Variants in SYNE1 observed in about 807,000 individuals in gnomAD.
SYNE1 encodes nesprin-1.
Under a neutral mutation model 1,111.0 loss-of-function variants are expected in SYNE1, and 616 were observed. That is an observed-to-expected ratio of 0.55 (90% CI 0.52 to 0.59). The LOEUF is 0.59. Among genes scored for constraint, SYNE1 ranks in the 20% least tolerant of loss-of-function variants. SYNE1 has a pLI of 0.00. For synonymous variants in SYNE1, 3,855 were observed against 3,825.8 expected, an observed-to-expected ratio of 1.01 and a Z score of -0.28; for missense variants, 10,006 against 10,417.0, an observed-to-expected ratio of 0.96 and a Z score of 1.72.
At chr6:152,217,797 C>T (rs958153298) in intron 121 of SYNE1, among the ~76,000 whole-genome samples, 5 of 152,024 alleles carry the variant, frequency 3.3e-5, no homozygotes, top group African/African-American at 1.2e-4. Context: ...AGGTGGCTTC[C>T]AGGAGTGAGC....
At chr6:152,385,636 T>A in intron 55 of SYNE1, 38 bp downstream of exon 55, 1 of 1,608,522 alleles carries the variant, frequency 6.2e-7, no homozygotes, top group Non-Finnish European at 8.5e-7. Flanking sequence ...CAAGAAGGAA[T>A]GAAGCAATGT....
Position 152,289,816 on chromosome 6 carries a change from C to T in SYNE1, c.18012+3772G>A, listed in dbSNP as rs182348907. Among the ~76,000 whole-genome samples, 596 of 151,840 alleles carry T rather than the reference C, an allele frequency of 3.9e-3. 5 individuals are homozygous for T. The highest frequency in any genetic ancestry group is 0.013 in the African/African-American group (554 of 41,438). On this transcript the variant is annotated intron_variant, in intron 95 of 145. Transcript: ENST00000367255. Reference sequence around the variant, plus strand: ...TAAGTTTTTGTATTTTTAGTAGAGACGGGGTTTCACCATGTTAGCCAGGAT... The same window carrying T: ...TAAGTTTTTGTATTTTTAGTAGAGATGGGGTTTCACCATGTTAGCCAGGAT...
intron 11 of SYNE1, among the ~76,000 whole-genome samples, chr6:152,491,615 A>G (rs569393041): frequency 6.6e-6 from 1 of 152,190 alleles, no homozygotes; most frequent in South Asian, 2.1e-4. Context: ...AGCACTTTTG[A>G]TTTCTCCATC....
chr6:152,389,550 C>T (rs1164349556), intron 53 of SYNE1, among the ~76,000 whole-genome samples: 3 of 152,092 alleles, frequency 2.0e-5, no homozygotes, highest in African/African-American at 7.2e-5. Flanking sequence ...ACAAATGAGC[C>T]AGATTATTTA....
At chr6:152,216,108 G>C (rs887608340) in intron 121 of SYNE1, among the ~76,000 whole-genome samples, 2 of 152,156 alleles carry the variant, frequency 1.3e-5, no homozygotes, top group African/African-American at 2.4e-5. Context: ...GCCACCTTTG[G>C]CTATGTGTGT....
chr6:152,575,522 T>C (rs2099492837), intron 3 of SYNE1, among the ~76,000 whole-genome samples: 1 of 152,232 alleles, frequency 6.6e-6, no homozygotes, highest in Non-Finnish European at 1.5e-5. Context: ...CAACAATTTA[T>C]TTATGCAAAC....
rs777477024 is a variant in SYNE1, at chr6:152,242,261, C to G, written c.19872G>C (p.Gln6624His). 8 of 1,613,882 alleles carry G rather than the reference C, an allele frequency of 5.0e-6. No homozygotes were observed. The highest frequency in any genetic ancestry group is 1.3e-5 in the African/African-American group (1 of 74,872). ...GTACCTTATGTTTGTCAAGTAGTTG[C>G]TGGATTTCCTCTTTGGAAGACACGA... ...KIIVSSKEEI[Q>H]QLLDKHKEYF... Residue 6624 changes from glutamine (Q) to histidine (H), a missense_variant, in exon 107 of 146, where the codon CAG becomes CAC. Gln to His is a conservative substitution (Grantham distance 24, BLOSUM62 0). Transcript: ENST00000367255.
chr6:152,370,094 T>C (rs138881864), intron 59 of SYNE1, among the ~76,000 whole-genome samples: 2,072 of 152,104 alleles, frequency 0.014, 41 homozygotes, highest in African/African-American at 0.047. Flanking sequence ...TGAATATCCT[T>C]TAAGAACTTT....
chr6:152,335,153 C>T (rs989766382), intron 76 of SYNE1: 3 of 152,178 alleles, frequency 2.0e-5, no homozygotes, highest in Non-Finnish European at 2.9e-5. Context: ...CATACTTCCC[C>T]ACTGCTCACT....
intron 93 of SYNE1, among the ~76,000 whole-genome samples, chr6:152,300,392 C>T (rs1454584584): frequency 3.9e-5 from 6 of 152,194 alleles, no homozygotes; most frequent in Admixed American, 6.5e-5. Context: ...TGTCTTAAAA[C>T]AGAGCCTTCT....
intron 2 of SYNE1, among the ~76,000 whole-genome samples, chr6:152,631,295 G>C (rs2099697567): frequency 6.6e-6 from 1 of 152,106 alleles, no homozygotes; most frequent in Non-Finnish European, 1.5e-5. Context: ...TTGAGCAAAG[G>C]CCTCAGCATG....
intron 78 of SYNE1, 74 bp from the exon 79 acceptor site, chr6:152,326,707 A>G: frequency 4.1e-6 from 6 of 1,449,044 alleles, no homozygotes; most frequent in Non-Finnish European, 5.7e-6. Flanking sequence ...TTATTCACTC[A>G]TTTGTTTTCC....
chr6:152,239,141 T>A (rs2084935781), intron 108 of SYNE1, among the ~76,000 whole-genome samples: 1 of 152,046 alleles, frequency 6.6e-6, no homozygotes, highest in Admixed American at 6.6e-5. Context: ...GGTCTCGAAC[T>A]CCTGACCTCA....
intron 93 of SYNE1, among the ~76,000 whole-genome samples, chr6:152,300,359 A>T (rs1038723785): frequency 1.1e-4 from 17 of 152,182 alleles, no homozygotes; most frequent in African/African-American, 4.1e-4. Context: ...ATTCCAGATG[A>T]TTGCTGGAAA....
chr6:152,589,067 C>T (rs1023525397), intron 3 of SYNE1, among the ~76,000 whole-genome samples: 3 of 151,950 alleles, frequency 2.0e-5, no homozygotes, highest in East Asian at 1.9e-4. Flanking sequence ...CCACCACGCC[C>T]GGATCATTTT....
At chr6:152,369,361 T>G in intron 60 of SYNE1, 110 bp downstream of exon 60, 1 of 1,524,206 alleles carries the variant, frequency 6.6e-7, no homozygotes, top group Non-Finnish European at 9.0e-7. Flanking sequence ...ACACACTATG[T>G]CTCACGGCAG....
At chr6:152,269,055 T>A in intron 99 of SYNE1, 100 bp downstream of exon 99, 1 of 1,563,304 alleles carries the variant, frequency 6.4e-7, no homozygotes, top group East Asian at 2.2e-5. Flanking sequence ...AGACACTCTG[T>A]CTTTAGTACA....
Position 152,330,591 on chromosome 6 carries a change from G to A in SYNE1, c.14094C>T (p.Ser4698=). ...CAACGGCCAGGTCGGTGGGAACTTT[G>A]CTCATCCTCAAGAATTGGGCTTCAA... The part of the protein sequence containing the change: ...SELEAQFLRM[S]KVPTDLAVEE... Residue 4698 remains serine (S), a synonymous_variant, in exon 78 of 146, where the codon AGC becomes AGT. Transcript: ENST00000367255. 1 of 1,613,658 alleles carries A rather than the reference G, an allele frequency of 6.2e-7. No homozygotes were observed. The highest frequency in any genetic ancestry group is 1.1e-5 in the South Asian group (1 of 91,078).
intron 14 of SYNE1, among the ~76,000 whole-genome samples, chr6:152,473,335 A>G (rs960226841): frequency 6.6e-6 from 1 of 152,220 alleles, no homozygotes; most frequent in Non-Finnish European, 1.5e-5. Context: ...TTTTTATCTC[A>G]TACTAAAATT....
Sources: gnomAD v4.1 joint callset for allele counts (sites outside exome capture counted in the v4.1 genomes callset) on GRCh38, gnomAD v4.1.1 for gene constraint, MANE v1.5 for transcripts, NCBI Gene and HGNC (gene_info 2026-07-23, HGNC 2026-07-21) for gene names.